Variants in SFMBT2 observed in about 807,000 individuals in gnomAD.
The protein encoded by SFMBT2 is Scm like with four mbt domains 2.
A neutral mutation model predicts 110.1 loss-of-function variants in SFMBT2; 38 were observed. The observed-to-expected ratio is 0.35, with a 90% CI of 0.27 to 0.45. The LOEUF (loss-of-function observed/expected upper bound fraction) is 0.45. Among genes scored for constraint, SFMBT2 ranks in the 20% least tolerant of loss-of-function variants. The pLI, the probability that SFMBT2 is intolerant of heterozygous loss-of-function variation, is 1.00. For missense variants in SFMBT2, 1,011 were observed against 1,094.9 expected (o/e 0.92, Z 1.08); for synonymous variants, 425 against 425.4 (o/e 1.00, Z 0.01).
At chr10:7,307,760 T>C (rs535860840) in intron 4 of SFMBT2, among the ~76,000 whole-genome samples, 1 of 152,194 alleles carries the variant, frequency 6.6e-6, no homozygotes, top group Non-Finnish European at 1.5e-5. Flanking sequence ...TTGCTATCCA[T>C]GTGGAAGAGG....
intron 12 of SFMBT2, chr10:7,204,013 G>A: frequency 8.3e-6 from 2 of 242,202 alleles, no homozygotes; most frequent in Non-Finnish European, 1.3e-5. Context: ...CACCACGCCT[G>A]GCCAGAATCT....
chr10:7,207,258 G>A (rs1839167819), intron 11 of SFMBT2, among the ~76,000 whole-genome samples: 1 of 151,900 alleles, frequency 6.6e-6, no homozygotes, highest in Admixed American at 6.6e-5. Flanking sequence ...AACTTGGGAG[G>A]CTGAGGTGGG....
chr10:7,180,698 G>T lies in SFMBT2; in HGVS notation c.1809-4533C>A, dbSNP rs183525536. Among the ~76,000 whole-genome samples, 4 of 152,284 alleles carry T rather than the reference G, an allele frequency of 2.6e-5. No individual in the cohort carries two copies. The East Asian group carries it at 7.7e-4, about 29-fold the overall frequency. ...CCTCCTTGATGAAACCCATCTGGGA[G>T]GAACCCACCAGGGAAAAGGATGGAA... On this transcript the variant is annotated intron_variant, in intron 16 of 20. Transcript: ENST00000397167.
chr10:7,175,661 T>C (rs1220494148), intron 17 of SFMBT2, among the ~76,000 whole-genome samples: 1 of 152,178 alleles, frequency 6.6e-6, no homozygotes, highest in African/African-American at 2.4e-5. Flanking sequence ...TGTGATCAAT[T>C]TTACTGTGCT....
chr10:7,303,004 A>G (rs1275933276), intron 4 of SFMBT2, among the ~76,000 whole-genome samples: 2 of 98,414 alleles, frequency 2.0e-5, no homozygotes, highest in East Asian at 7.1e-4. Flanking sequence ...CAAAAGGGTT[A>G]CAATGTTAAA....
In SFMBT2 at chr10:7,163,385, C is replaced by A. The variant is rs192428990; in HGVS notation, c.*385G>T. The A allele has an allele frequency of 2.5e-4, 47 of 184,934 alleles. 1 individual carries two copies. The highest frequency in any genetic ancestry group is 2.2e-3 in the Admixed American group (38 of 17,488). 11.5% of individuals were successfully genotyped at this position (184,934 alleles called of 1,614,324 possible). A position where few individuals can be genotyped will look rare whatever the true frequency, so the allele number is the denominator to read the frequency against. On this transcript the variant is annotated 3_prime_UTR_variant, in exon 21 of 21. Coordinates refer to ENST00000397167, the MANE Select transcript of SFMBT2 (RefSeq NM_001387889.1). This position sits in a 1 kb window ranked among gnomAD's most constrained non-coding sequence, Gnocchi z 4.8. Reference sequence around the variant, plus strand: ...GCTCGTGTGATTACAGGAAACACTACAGCATGGCGTGAGGTTTCTTCCTTG... The same window carrying A: ...GCTCGTGTGATTACAGGAAACACTAAAGCATGGCGTGAGGTTTCTTCCTTG...
intron 9 of SFMBT2, among the ~76,000 whole-genome samples, chr10:7,236,458 A>G (rs1368920398): frequency 6.6e-6 from 1 of 152,212 alleles, no homozygotes; most frequent in Admixed American, 6.5e-5. Context: ...GAGGCAGAAT[A>G]AAAAAGAACA....
At chr10:7,312,489 T>C (rs566982997) in intron 4 of SFMBT2, among the ~76,000 whole-genome samples, 24 of 151,892 alleles carry the variant, frequency 1.6e-4, no homozygotes, top group Non-Finnish European at 2.5e-4. Flanking sequence ...CAGAATAAAA[T>C]AGAGGAAAAG....
chr10:7,378,205 T>C (rs1845311039), intron 2 of SFMBT2, among the ~76,000 whole-genome samples: 3 of 17,228 alleles, frequency 1.7e-4, no homozygotes, highest in African/African-American at 8.0e-4. Context: ...TGGGTGTATG[T>C]GTGGATGTGT....
At chr10:7,324,692 C>T (rs1042726443) in intron 4 of SFMBT2, among the ~76,000 whole-genome samples, 6 of 152,188 alleles carry the variant, frequency 3.9e-5, no homozygotes, top group East Asian at 1.9e-4. Context: ...TAAACAGAAA[C>T]GTATCTCACA....
At chr10:7,383,187 G>A (rs751712149) in intron 1 of SFMBT2, among the ~76,000 whole-genome samples, 17 of 152,062 alleles carry the variant, frequency 1.1e-4, no homozygotes, top group African/African-American at 1.9e-4. Flanking sequence ...AAAAACATTC[G>A]GAGGTTTTGT....
intron 4 of SFMBT2, among the ~76,000 whole-genome samples, chr10:7,308,404 G>A (rs539518973): frequency 2.0e-5 from 3 of 151,982 alleles, no homozygotes; most frequent in African/African-American, 7.2e-5. Context: ...CTATTAAAAG[G>A]CATGTTACAT....
intron 1 of SFMBT2, among the ~76,000 whole-genome samples, chr10:7,403,660 AAAAT>A (rs1352892874): frequency 2.6e-5 from 4 of 152,212 alleles, no homozygotes; most frequent in African/African-American, 9.6e-5. Context: ...TAAATAAATA[AAAAT>A]AAATAAAGTG....
chr10:7,297,225 AG>A (rs1211523970), intron 4 of SFMBT2, among the ~76,000 whole-genome samples: 2 of 152,246 alleles, frequency 1.3e-5, no homozygotes, highest in Non-Finnish European at 2.9e-5. Context: ...AGTGCACAGA[AG>A]GAAGACTGAG....
intron 10 of SFMBT2, among the ~76,000 whole-genome samples, chr10:7,225,218 C>T (rs1284334510): frequency 6.6e-6 from 1 of 152,294 alleles, no homozygotes; most frequent in Non-Finnish European, 1.5e-5. Context: ...CATTTCAATC[C>T]ACCGCTTGAG....
intron 17 of SFMBT2, among the ~76,000 whole-genome samples, chr10:7,175,300 G>A (rs1284393872): frequency 6.6e-6 from 1 of 152,214 alleles, no homozygotes; most frequent in Non-Finnish European, 1.5e-5. Flanking sequence ...GATGGAGAAG[G>A]TCATCAGAAA....
At position 7,193,159 on chromosome 10, in the gene SFMBT2, T is replaced by C. The variant is rs1267585977; in HGVS notation, c.1698+4389A>G. ...TTCTATAAACGTTCCTCTCTTAAGCTCCTGAACCTGGACTGCCAAAAAGCA... is the reference window on the plus strand; with the variant it reads ...TTCTATAAACGTTCCTCTCTTAAGCCCCTGAACCTGGACTGCCAAAAAGCA... On this transcript the variant is annotated intron_variant, in intron 15 of 20. Coordinates refer to ENST00000397167, the MANE Select transcript of SFMBT2 (RefSeq NM_001387889.1). Among the ~76,000 whole-genome samples the C allele has an allele frequency of 2.0e-5, 3 of 152,032 alleles. No individual in the cohort carries two copies. The East Asian group carries it at 5.8e-4, about 29-fold the overall frequency.
chr10:7,250,541 A>G (rs1217509539), intron 7 of SFMBT2, among the ~76,000 whole-genome samples: 2 of 152,174 alleles, frequency 1.3e-5, no homozygotes, highest in East Asian at 1.9e-4. Flanking sequence ...TAATGCTGCA[A>G]TGAATGTGTG....
intron 10 of SFMBT2, among the ~76,000 whole-genome samples, chr10:7,226,747 G>A (rs1025190868): frequency 2.4e-4 from 37 of 152,138 alleles, no homozygotes; most frequent in Admixed American, 7.2e-4. Context: ...GCATAGTGAC[G>A]TTTCAGTCAA....
Sources: gnomAD v4.1 joint callset for allele counts (sites outside exome capture counted in the v4.1 genomes callset) on GRCh38, gnomAD v4.1.1 for gene constraint, Gnocchi (gnomAD v3.1) non-coding constraint, MANE v1.5 for transcripts, NCBI Gene and HGNC (gene_info 2026-07-23, HGNC 2026-07-21) for gene names.